MAP3K15: variants seen among roughly 807,000 people sequenced by gnomAD.
MAP3K15 encodes mitogen-activated protein kinase kinase kinase 15, also known as MAPK/ERK kinase kinase 15.
Under a neutral mutation model 99.5 loss-of-function variants are expected in MAP3K15, and 124 were observed. The ratio of observed to expected loss-of-function variants is 1.25; its 90% confidence interval spans 1.08 to 1.45. The LOEUF is 1.45. Among genes scored for constraint, MAP3K15 ranks in the 40% most tolerant of loss-of-function variants. The pLI is 0.00. For missense variants in MAP3K15, 1,242 were observed against 1,079.7 expected (o/e 1.15, Z -2.11); for synonymous variants, 494 against 439.6 (o/e 1.12, Z -1.55).
At chrX:19,393,292 T>C (rs2063539766) in intron 16 of MAP3K15, among the ~76,000 whole-genome samples, 1 of 111,321 alleles carries the variant, frequency 9.0e-6, no homozygotes, top group African/African-American at 3.3e-5. Flanking sequence ...CTATTTCTGT[T>C]GATACCCTTA....
intron 6 of MAP3K15, among the ~76,000 whole-genome samples, chrX:19,433,929 G>A (rs191358342): frequency 9.0e-6 from 1 of 111,142 alleles, no homozygotes; most frequent in East Asian, 2.8e-4. Flanking sequence ...GCAACAACCA[G>A]ACTACAGAAT....
rs2063264432 is a variant in MAP3K15 at position 19,360,193 on chromosome X, T to C, written c.*556A>G. On this transcript the variant is annotated 3_prime_UTR_variant, in exon 29 of 29. Coordinates refer to ENST00000338883, the MANE Select transcript of MAP3K15 (RefSeq NM_001001671.4). ...TCTCTACTTACACATTCAGTATAAA[T>C]ATGAAGCTATTTTCTGTTCATATCA... The C allele has an allele frequency of 7.0e-6, 1 of 142,460 alleles. No individual in the cohort carries two copies. The highest frequency in any genetic ancestry group is 1.4e-5 in the Non-Finnish European group (1 of 71,839). The allele number at this position is 142,460 out of a possible 1,213,427, so 11.7% of individuals were successfully genotyped here.
intron 3 of MAP3K15, among the ~76,000 whole-genome samples, chrX:19,480,817 CAAAA>C (rs779759257): frequency 1.4e-5 from 1 of 73,120 alleles, no homozygotes. Flanking sequence ...AACTCTGTCT[CAAAA>C]AAAAAAAAAA....
At chrX:19,510,881 A>G (rs1223132506) in intron 1 of MAP3K15, among the ~76,000 whole-genome samples, 1 of 112,364 alleles carries the variant, frequency 8.9e-6, no homozygotes, top group African/African-American at 3.2e-5. Context: ...AATCACAAGC[A>G]TTCCTATGCA....
chrX:19,373,307 G>T, intron 21 of MAP3K15: 1 of 401,621 alleles, frequency 2.5e-6, no homozygotes, highest in East Asian at 4.0e-5. Flanking sequence ...GAGGAGAGGT[G>T]GGGGAGGGCA....
In MAP3K15 at chrX:19,380,353, C is replaced by T. The variant is rs1034022335; in HGVS notation, c.2432-76G>A. 12 of 1,081,132 alleles carry T rather than the reference C, an allele frequency of 1.1e-5. No individual in the cohort carries two copies. The South Asian group carries it at 2.2e-4, about 20-fold the overall frequency. The allele number at this position is 1,081,132 out of a possible 1,213,427, so 89.1% of individuals were successfully genotyped here. A position where few individuals can be genotyped will look rare whatever the true frequency, so the allele number is the denominator to read the frequency against. On this transcript the variant is annotated intron_variant, in intron 18 of 28. Transcript: ENST00000338883. ...TAAGTGGCCTGTAGTCCCAGCTACT[C>T]GGGAGGCTGAGGCAGGAGGATCACC...
At chrX:19,411,223 G>C (rs2063685302) in intron 11 of MAP3K15, among the ~76,000 whole-genome samples, 1 of 110,908 alleles carries the variant, frequency 9.0e-6, no homozygotes, top group Admixed American at 9.6e-5. Flanking sequence ...CCTGAGGAAT[G>C]TCACAAGTGA....
chrX:19,493,286 C>T (rs1477684789), intron 1 of MAP3K15, among the ~76,000 whole-genome samples: 3 of 104,048 alleles, frequency 2.9e-5, no homozygotes, highest in Non-Finnish European at 5.8e-5. Flanking sequence ...CACCGGCCTA[C>T]CAAGGATTGG....
chrX:19,483,077 T>C (rs946694858), intron 3 of MAP3K15, among the ~76,000 whole-genome samples: 3 of 103,758 alleles, frequency 2.9e-5, no homozygotes, highest in Admixed American at 2.0e-4. Context: ...GGTGAAACCC[T>C]GTCTCTACTA....
chrX:19,417,070 C>T (rs113666574), intron 9 of MAP3K15, among the ~76,000 whole-genome samples: 2,936 of 112,085 alleles, frequency 0.026, 96 homozygotes, highest in African/African-American at 0.088. Flanking sequence ...TTGGTAGAGC[C>T]AAGATGGCTG....
intron 6 of MAP3K15, among the ~76,000 whole-genome samples, chrX:19,445,463 G>A (rs1019944468): frequency 1.9e-5 from 2 of 107,124 alleles, no homozygotes; most frequent in African/African-American, 6.8e-5. Context: ...GGTGACGGAC[G>A]TCTGTAATTT....
At chrX:19,486,429 T>C (rs1488432924) in intron 3 of MAP3K15, 53 bp downstream of exon 3, 2 of 574,044 alleles carry the variant, frequency 3.5e-6, no homozygotes, top group East Asian at 4.3e-5. Flanking sequence ...ATTTTACAAA[T>C]TGACATTTAC....
In MAP3K15 at chrX:19,507,575, CAAAAAAAAAAAAAAAAAA is replaced by C. The variant is rs1165492097; in HGVS notation, c.361+7308_361+7325del. On this transcript the variant is annotated intron_variant, in intron 1 of 28. Coordinates refer to ENST00000338883, the MANE Select transcript of MAP3K15 (RefSeq NM_001001671.4). The stretch of plus-strand genomic sequence containing the variant: ...CCTGGGTGAGAGTGACACCTTGTCT[CAAAAAAAAAAAAAAAAAA>C]AAAAAAAAAAAAAAAAAGAACAACT... Among the ~76,000 whole-genome samples the C allele has an allele frequency of 0.027, 294 of 10,935 alleles. 24 individuals are homozygous for C. In the Admixed American group the frequency reaches 0.31, roughly 12 times the overall value. The allele number at this position is 10,935 out of a possible 115,157, so 9.5% of individuals were successfully genotyped here.
In MAP3K15 at chrX:19,415,799, ACC is replaced by A. The variant is rs2063729844; in HGVS notation, c.1440-544_1440-543del. Among the ~76,000 whole-genome samples the A allele has an allele frequency of 3.6e-5, 4 of 111,974 alleles. No individual in the cohort carries two copies. The Admixed American group carries it at 3.8e-4, about 11-fold the overall frequency. On this transcript the variant is annotated intron_variant, in intron 9 of 28. Coordinates refer to ENST00000338883, the MANE Select transcript of MAP3K15 (RefSeq NM_001001671.4). ...GTACTGGTCCATTTTATCATTTACT[ACC>A]CAACATATATACAAATCTCTTACAA... is the stretch of plus-strand genomic sequence containing the variant.
In MAP3K15 at chrX:19,414,681, T is replaced by C. The variant is rs188623879; in HGVS notation, c.1590+426A>G. ...CCAAGTTTCCACTCGTGGTGCTACA[T>C]TGTTTTAGAGGAAAGTTTGTCCACT... On this transcript the variant is annotated intron_variant, in intron 10 of 28. Transcript: ENST00000338883. Among the ~76,000 whole-genome samples the C allele has an allele frequency of 2.2e-3, 244 of 112,467 alleles. 2 individuals are homozygous for C. The highest frequency in any genetic ancestry group is 7.4e-3 in the African/African-American group (229 of 31,014).
At chrX:19,504,429 T>C (rs1180313370) in intron 1 of MAP3K15, among the ~76,000 whole-genome samples, 2 of 110,791 alleles carry the variant, frequency 1.8e-5, no homozygotes, top group Non-Finnish European at 3.8e-5. Flanking sequence ...TGAAGAAATG[T>C]GGAAGAACAT....
At chrX:19,365,498 T>G (rs941539427) in intron 25 of MAP3K15, among the ~76,000 whole-genome samples, 1 of 112,674 alleles carries the variant, frequency 8.9e-6, no homozygotes. Flanking sequence ...GTTAAATACA[T>G]GTTAAATACA....
At chrX:19,441,962 A>G (rs1050400109) in intron 6 of MAP3K15, among the ~76,000 whole-genome samples, 6 of 112,206 alleles carry the variant, frequency 5.3e-5, no homozygotes, top group African/African-American at 1.9e-4. Context: ...CTGCCCAGCC[A>G]GGATACATCC....
chrX:19,374,704 G>A (rs2063405524), intron 19 of MAP3K15, 44 bp from the exon 20 acceptor site: 2 of 1,100,246 alleles, frequency 1.8e-6, no homozygotes, highest in African/African-American at 1.8e-5. Flanking sequence ...TGAGGCCTTG[G>A]GTGAATTCAG....
Sources: allele counts gnomAD v4.1 joint callset (sites outside exome capture counted in the v4.1 genomes callset), GRCh38; gene constraint gnomAD v4.1.1; transcripts MANE v1.5; gene names NCBI Gene and HGNC (gene_info 2026-07-23, HGNC 2026-07-21).